ITSN2: variants seen among roughly 807,000 people sequenced by gnomAD.
ITSN2 encodes intersectin 2, also known as intersectin-2.
A neutral mutation model predicts 243.7 loss-of-function variants in ITSN2; 156 were observed. The ratio of observed to expected loss-of-function variants is 0.64; its 90% CI spans 0.56 to 0.73. The LOEUF is 0.73. Ranked by LOEUF, ITSN2 falls within the 30% of genes least tolerant of loss-of-function variation. The pLI is 0.00. For missense variants in ITSN2, 1,801 were observed against 1,996.1 expected, an observed-to-expected ratio of 0.90 and a Z score of 1.86; for synonymous variants, 703 against 699.9, an observed-to-expected ratio of 1.00 and a Z score of -0.07.
Position 24,211,512 on chromosome 2 carries a change from A to G in ITSN2, c.4090-565T>C, listed in dbSNP as rs1214777072. Among the ~76,000 whole-genome samples, 3 of 152,252 alleles carry G rather than the reference A, an allele frequency of 2.0e-5. No homozygotes were observed. The highest frequency in any genetic ancestry group is 7.2e-5 in the African/African-American group (3 of 41,468). On this transcript the variant is annotated intron_variant, in intron 33 of 39. Transcript: ENST00000355123. This position sits in a 1 kb window ranked among gnomAD's most constrained non-coding sequence, Gnocchi z 4.1. ...ACGCATGCTGCAACTGTGAACGCGC[A>G]GAGGCCAGAATACAAACGTGTGTGG...
At chr2:24,222,833 G>A (rs1023089732) in intron 29 of ITSN2, among the ~76,000 whole-genome samples, 1 of 151,616 alleles carries the variant, frequency 6.6e-6, no homozygotes, top group South Asian at 2.1e-4. Context: ...ACACCACCAC[G>A]CCCAGCTAAT....
At chr2:24,243,068 C>A (rs910473829) in intron 29 of ITSN2, among the ~76,000 whole-genome samples, 1 of 152,164 alleles carries the variant, frequency 6.6e-6, no homozygotes, top group African/African-American at 2.4e-5. Context: ...GCCCTTCCAG[C>A]AAACAATTAG....
intron 5 of ITSN2, 29 bp from the exon 6 acceptor site, chr2:24,310,721 G>A: frequency 1.9e-6 from 3 of 1,589,096 alleles, no homozygotes; most frequent in Non-Finnish European, 1.7e-6. Flanking sequence ...ATTTTTTCCA[G>A]TGCTAGAAAA....
intron 1 of ITSN2, among the ~76,000 whole-genome samples, chr2:24,331,586 TTGTGGTA>T (rs1242291891): frequency 6.6e-6 from 1 of 152,182 alleles, no homozygotes; most frequent in Admixed American, 6.5e-5. Flanking sequence ...CACAAAAGCC[TTGTGGTA>T]TGGAAAACAA....
chr2:24,287,709 T>G (rs1198892929), intron 15 of ITSN2, among the ~76,000 whole-genome samples: 1 of 152,082 alleles, frequency 6.6e-6, no homozygotes, highest in African/African-American at 2.4e-5. Flanking sequence ...TCGTTATCTC[T>G]GATCTTTTTG....
chr2:24,205,881 C>T (rs1372940562), intron 37 of ITSN2, among the ~76,000 whole-genome samples: 2 of 152,156 alleles, frequency 1.3e-5, no homozygotes, highest in Admixed American at 6.5e-5. Context: ...TGTAGCTCCC[C>T]ATTTTACTGA....
At chr2:24,347,877 A>T (rs1315244152) in intron 1 of ITSN2, among the ~76,000 whole-genome samples, 1 of 152,126 alleles carries the variant, frequency 6.6e-6, no homozygotes, top group Non-Finnish European at 1.5e-5. Context: ...GTTCAAGACC[A>T]GCCTAGGAAC....
At chr2:24,337,339 T>TATATATATATATATATATAC (rs1159743662) in intron 1 of ITSN2, among the ~76,000 whole-genome samples, 5 of 113,274 alleles carry the variant, frequency 4.4e-5, no homozygotes, top group Non-Finnish European at 9.3e-5. Flanking sequence ...TATATATATA[T>TATATATATATATATATATAC]ATATATATAT....
intron 25 of ITSN2, among the ~76,000 whole-genome samples, chr2:24,250,830 C>T (rs114704121): frequency 3.3e-4 from 49 of 149,696 alleles, no homozygotes; most frequent in African/African-American, 1.2e-3. Context: ...ATACTTCAAC[C>T]GAAAAAAAAA....
intron 20 of ITSN2, among the ~76,000 whole-genome samples, chr2:24,264,261 C>T (rs908160811): frequency 2.0e-5 from 3 of 151,948 alleles, no homozygotes; most frequent in Non-Finnish European, 2.9e-5. Context: ...CATGGTGGCA[C>T]ATGCCTGTGG....
At position 24,204,134 on chromosome 2, in the gene ITSN2, C is replaced by A; in HGVS notation, c.4936+111G>T. On this transcript the variant is annotated intron_variant, in intron 39 of 39. Coordinates refer to ENST00000355123, the MANE Select transcript of ITSN2 (RefSeq NM_006277.3). The surrounding 1 kb of genome is among the most constrained non-coding windows in gnomAD (Gnocchi z 5.1). The stretch of plus-strand genomic sequence containing the variant: ...AAAGCGAGATGACACAGGCCTGTGT[C>A]ACTTCCCTGAAGTGGCATGGGGTCT... The A allele has an allele frequency of 9.2e-7, 1 of 1,083,054 alleles. No homozygotes were observed. The highest frequency in any genetic ancestry group is 1.4e-6 in the Non-Finnish European group (1 of 732,208). The allele number at this position is 1,083,054 out of a possible 1,614,324, so 67.1% of individuals were successfully genotyped here.
chr2:24,347,532 C>T (rs1244557931), intron 1 of ITSN2, among the ~76,000 whole-genome samples: 1 of 152,056 alleles, frequency 6.6e-6, no homozygotes, highest in Non-Finnish European at 1.5e-5. Context: ...GCTAAAAATA[C>T]AAAATTAGCC....
chr2:24,220,576 T>C, intron 30 of ITSN2: 2 of 1,081,420 alleles, frequency 1.8e-6, no homozygotes, highest in African/African-American at 3.3e-5. Flanking sequence ...AAACAGATAT[T>C]AGGCAAATAT....
chr2:24,227,123 G>GA (rs1671101739), intron 29 of ITSN2, among the ~76,000 whole-genome samples: 1 of 151,632 alleles, frequency 6.6e-6, no homozygotes, highest in South Asian at 2.1e-4. Context: ...CTCAAAAAAA[G>GA]AAAAAGAAAA....
Position 24,204,541 on chromosome 2 carries a change from G to T in ITSN2, c.4763-123C>A. The T allele has an allele frequency of 1.5e-5, 13 of 860,932 alleles. No homozygotes were observed. Among genetic ancestry groups the T allele is most frequent in the Non-Finnish European group, 2.2e-5 (11 of 511,004 alleles). The allele number at this position is 860,932 out of a possible 1,614,324, so 53.3% of individuals were successfully genotyped here. A position where few individuals can be genotyped will look rare whatever the true frequency, so the allele number is the denominator to read the frequency against. ...GTCACTCGAGACCATGGCAGCAGGA[G>T]CCGCTGCCTGGGGCACCATATCCCT... On this transcript the variant is annotated intron_variant, in intron 38 of 39. Transcript: ENST00000355123. The surrounding 1 kb of genome is among the most constrained non-coding windows in gnomAD (Gnocchi z 5.1).
intron 29 of ITSN2, among the ~76,000 whole-genome samples, chr2:24,234,382 A>G (rs1296205218): frequency 1.3e-5 from 2 of 152,192 alleles, no homozygotes; most frequent in East Asian, 1.9e-4. Flanking sequence ...CTGAAACACA[A>G]AACTATAAAG....
intron 7 of ITSN2, 64 bp downstream of exon 7, chr2:24,310,219 AT>A: frequency 9.3e-7 from 1 of 1,071,122 alleles, no homozygotes; most frequent in Non-Finnish European, 1.4e-6. Context: ...CTTTAAAAAA[AT>A]CATTTGTTAA....
At chr2:24,301,632 C>G (rs528805995) in intron 10 of ITSN2, among the ~76,000 whole-genome samples, 11 of 151,252 alleles carry the variant, frequency 7.3e-5, no homozygotes, top group African/African-American at 2.4e-4. Context: ...CTCCAGTGAT[C>G]CTCCTGCCCC....
intron 8 of ITSN2, among the ~76,000 whole-genome samples, chr2:24,306,971 A>G (rs1682632091): frequency 6.6e-6 from 1 of 152,012 alleles, no homozygotes; most frequent in Non-Finnish European, 1.5e-5. Context: ...ATGCCCAGCT[A>G]ATTTTTGTAT....
Sources: gnomAD v4.1 joint callset for allele counts (sites outside exome capture counted in the v4.1 genomes callset) on GRCh38, gnomAD v4.1.1 for gene constraint, Gnocchi (gnomAD v3.1) non-coding constraint, MANE v1.5 for transcripts, NCBI Gene and HGNC (gene_info 2026-07-23, HGNC 2026-07-21) for gene names.